The following TRAPPC9 variants were observed in gnomAD, a reference collection of about 807,000 sequenced individuals.
TRAPPC9 encodes trafficking protein particle complex subunit 9, also known as IKK2 binding protein.
Under a neutral mutation model 124.0 loss-of-function variants are expected in TRAPPC9, and 83 were observed. That is an observed-to-expected ratio of 0.67 (90% CI 0.56 to 0.80). TRAPPC9 has a LOEUF of 0.80. Ranked by LOEUF, TRAPPC9 falls within the 30% of genes least tolerant of loss-of-function variation. The pLI is 0.00. For missense variants in TRAPPC9, 1,302 were observed against 1,508.3 expected, an observed-to-expected ratio of 0.86 and a Z score of 2.27; for synonymous variants, 638 against 617.5, an observed-to-expected ratio of 1.03 and a Z score of -0.49.
chr8:139,868,243 C>G (rs1236674624), intron 21 of TRAPPC9, among the ~76,000 whole-genome samples: 1 of 152,140 alleles, frequency 6.6e-6, no homozygotes, highest in African/African-American at 2.4e-5. Context: ...CCTGTAATCC[C>G]AGCTACTTGG....
In TRAPPC9 at chr8:140,396,291, G is replaced by A. The variant is rs1343420434; in HGVS notation, c.1134+1329C>T. Reference sequence around the variant, plus strand: ...TGAGTAGCTGGGACTACAAGCACCCGCCACCACGCCTGGCTAATTTTTTGT... The same window carrying A: ...TGAGTAGCTGGGACTACAAGCACCCACCACCACGCCTGGCTAATTTTTTGT... On this transcript the variant is annotated intron_variant, in intron 7 of 22. Coordinates refer to ENST00000438773, the MANE Select transcript of TRAPPC9 (RefSeq NM_001160372.4). Among the ~76,000 whole-genome samples, 6 of 151,916 alleles carry A rather than the reference G, an allele frequency of 3.9e-5. No individual in the cohort carries two copies. The East Asian group carries it at 1.2e-3, about 29-fold the overall frequency.
At chr8:139,913,486 C>T (rs983328719) in intron 19 of TRAPPC9, among the ~76,000 whole-genome samples, 1 of 152,218 alleles carries the variant, frequency 6.6e-6, no homozygotes, top group Non-Finnish European at 1.5e-5. Context: ...CTTTACTTGG[C>T]TCTGCTTTGC....
intron 20 of TRAPPC9, among the ~76,000 whole-genome samples, chr8:139,894,074 G>A (rs568642399): frequency 1.8e-4 from 28 of 152,312 alleles, no homozygotes; most frequent in African/African-American, 6.3e-4. Flanking sequence ...TTACTCCATC[G>A]GCCACACCAG....
intron 15 of TRAPPC9, among the ~76,000 whole-genome samples, chr8:140,273,082 G>C (rs1156345028): frequency 6.6e-6 from 1 of 152,174 alleles, no homozygotes; most frequent in Non-Finnish European, 1.5e-5. Flanking sequence ...TTACAGAACA[G>C]TAGGGCCAGA....
intron 11 of TRAPPC9, among the ~76,000 whole-genome samples, chr8:140,291,685 G>T (rs2131766815): frequency 6.6e-6 from 1 of 152,364 alleles, no homozygotes; most frequent in South Asian, 2.1e-4. Flanking sequence ...TTGCAGATGT[G>T]ATTGAGGACC....
chr8:140,347,680 A>G (rs2067391026), intron 9 of TRAPPC9, among the ~76,000 whole-genome samples: 1 of 152,210 alleles, frequency 6.6e-6, no homozygotes, highest in Non-Finnish European at 1.5e-5. Context: ...TGTTGTATTC[A>G]GAGCTGAGTT....
intron 21 of TRAPPC9, among the ~76,000 whole-genome samples, chr8:139,884,782 G>T (rs558317062): frequency 1.3e-5 from 2 of 152,162 alleles, no homozygotes; most frequent in African/African-American, 4.8e-5. Flanking sequence ...ACTCAGGCTG[G>T]CTCAGAGAGG....
At position 140,376,873 on chromosome 8, in the gene TRAPPC9, C is replaced by CA. The variant is rs36002702; in HGVS notation, c.1135-5694dup. Among the ~76,000 whole-genome samples the CA allele has an allele frequency of 5.7e-3, 641 of 112,798 alleles. 8 individuals carry two copies. The highest frequency in any genetic ancestry group is 0.015 in the African/African-American group (450 of 29,710). 74.0% of individuals were successfully genotyped at this position (112,798 alleles called of 152,430 possible). On this transcript the variant is annotated intron_variant, in intron 7 of 22. Coordinates refer to ENST00000438773, the MANE Select transcript of TRAPPC9 (RefSeq NM_001160372.4). ...GCACAACAAGAGCGAGGCTCCATCT[C>CA]AAAAAAAAAAAAAAAAAAATCACAG...
At chr8:140,390,714 T>TA (rs1334365171) in intron 7 of TRAPPC9, among the ~76,000 whole-genome samples, 5 of 152,202 alleles carry the variant, frequency 3.3e-5, no homozygotes, top group African/African-American at 1.2e-4. Context: ...ATATGCCTCT[T>TA]ACTCTCTCCT....
intron 21 of TRAPPC9, among the ~76,000 whole-genome samples, chr8:139,777,642 G>A (rs1467305423): frequency 6.6e-6 from 1 of 152,224 alleles, no homozygotes; most frequent in Admixed American, 6.5e-5. Context: ...AAAACATTCA[G>A]AATGAATGAG....
In TRAPPC9 at chr8:140,230,336, C is replaced by T. The variant is rs1056693632; in HGVS notation, c.2432-8753G>A. On this transcript the variant is annotated intron_variant, in intron 16 of 22. Coordinates refer to ENST00000438773, the MANE Select transcript of TRAPPC9 (RefSeq NM_001160372.4). The stretch of plus-strand genomic sequence containing the variant: ...GAAAAAAAAGAAGTAGGGCTGGGCA[C>T]GGTGGCTCATGCCTGTAATCCCAGC... 4.6e-5 allele frequency among the ~76,000 whole-genome samples: 7 copies of T among 152,198 alleles called. No individual in the cohort carries two copies. In the East Asian group the frequency reaches 5.8e-4, roughly 13 times the overall value.
At chr8:139,922,540 G>C (rs1288201980) in intron 19 of TRAPPC9, among the ~76,000 whole-genome samples, 1 of 152,228 alleles carries the variant, frequency 6.6e-6, no homozygotes, top group East Asian at 1.9e-4. Context: ...GCAATGAAGT[G>C]ACTGCCAGGA....
intron 21 of TRAPPC9, among the ~76,000 whole-genome samples, chr8:139,864,344 T>C (rs1267934448): frequency 3.3e-5 from 5 of 152,182 alleles, no homozygotes; most frequent in Non-Finnish European, 7.3e-5. Context: ...GATATAAAAA[T>C]TCCTGCAAGA....
chr8:140,272,381 ATGATGG>A (rs1254948803), intron 15 of TRAPPC9, among the ~76,000 whole-genome samples: 1 of 110,280 alleles, frequency 9.1e-6, no homozygotes, highest in Non-Finnish European at 2.1e-5. Context: ...GGTGGTGGTG[ATGATGG>A]TGATGGTGGC....
At chr8:139,833,999 C>T (rs1826163438) in intron 21 of TRAPPC9, among the ~76,000 whole-genome samples, 1 of 152,138 alleles carries the variant, frequency 6.6e-6, no homozygotes, top group African/African-American at 2.4e-5. Context: ...AAATCGCTAC[C>T]CAACCCCTAC....
chr8:139,985,292 TG>T (rs1420487965), intron 19 of TRAPPC9, among the ~76,000 whole-genome samples: 2 of 152,152 alleles, frequency 1.3e-5, no homozygotes, highest in African/African-American at 4.8e-5. Context: ...TTCTTTAAAG[TG>T]TTTTATACTA....
At chr8:139,858,490 T>C (rs916349717) in intron 21 of TRAPPC9, among the ~76,000 whole-genome samples, 5 of 152,216 alleles carry the variant, frequency 3.3e-5, no homozygotes, top group Admixed American at 2.6e-4. Context: ...TAGAGAAACA[T>C]GCATCTTTCC....
chr8:140,141,362 G>A (rs2061379771), intron 17 of TRAPPC9, among the ~76,000 whole-genome samples: 1 of 152,188 alleles, frequency 6.6e-6, no homozygotes, highest in Non-Finnish European at 1.5e-5. Flanking sequence ...CATCCACACT[G>A]TAGACACTCT....
chr8:140,295,315 G>C (rs763114292), intron 11 of TRAPPC9, among the ~76,000 whole-genome samples: 1 of 152,122 alleles, frequency 6.6e-6, no homozygotes, highest in Non-Finnish European at 1.5e-5. Flanking sequence ...ACCACCCTCC[G>C]TGTCAGCTTC....
Sources: allele counts gnomAD v4.1 joint callset (sites outside exome capture counted in the v4.1 genomes callset), GRCh38; gene constraint gnomAD v4.1.1; transcripts MANE v1.5; gene names NCBI Gene and HGNC (gene_info 2026-07-23, HGNC 2026-07-21).